Variants in TAFA1 observed in about 807,000 individuals in gnomAD.
The protein encoded by TAFA1 is chemokine-like protein TAFA-1.
TAFA1 carries 4 observed loss-of-function variants against 18.5 expected under a neutral mutation model. That is an observed-to-expected ratio of 0.22 (90% confidence interval 0.11 to 0.49). The LOEUF is 0.49. Ranked by LOEUF, TAFA1 falls within the 20% of genes least tolerant of loss-of-function variation. The pLI is 0.98. For synonymous variants in TAFA1, 56 were observed against 55.2 expected, an observed-to-expected ratio of 1.01 and a Z score of -0.06; for missense variants, 147 against 169.0, an observed-to-expected ratio of 0.87 and a Z score of 0.72.
intron 2 of TAFA1, among the ~76,000 whole-genome samples, chr3:68,382,988 G>A (rs557953543): frequency 3.9e-5 from 6 of 152,078 alleles, no homozygotes; most frequent in East Asian, 1.9e-4. Context: ...TGTGTTCCTG[G>A]TTTGGCTTTC....
At chr3:68,390,776 T>C (rs1208237519) in intron 2 of TAFA1, among the ~76,000 whole-genome samples, 2 of 152,160 alleles carry the variant, frequency 1.3e-5, no homozygotes, top group East Asian at 3.9e-4. Context: ...GACTGACTGT[T>C]AGAAGAAAAA....
intron 2 of TAFA1, among the ~76,000 whole-genome samples, chr3:68,058,037 A>G (rs2106718846): frequency 6.6e-6 from 1 of 152,320 alleles, no homozygotes; most frequent in African/African-American, 2.4e-5. Context: ...GTAGTTTGCT[A>G]CTGCAGCAAT....
At chr3:68,407,473 A>G (rs918173665) in intron 2 of TAFA1, among the ~76,000 whole-genome samples, 4 of 152,178 alleles carry the variant, frequency 2.6e-5, no homozygotes, top group African/African-American at 9.7e-5. Flanking sequence ...GAAATGAAAT[A>G]AGGCTTAGAA....
rs1044450205 is a variant in TAFA1, at chr3:68,478,024, G to C, written c.259+60604G>C. Among the ~76,000 whole-genome samples, 39 of 152,166 alleles carry C rather than the reference G, an allele frequency of 2.6e-4. 1 individual carries two copies. Among genetic ancestry groups the C allele is most frequent in the Non-Finnish European group, 8.8e-5 (6 of 68,042 alleles). ...CCTGTGCTTTGTCCAGCAGAAAAGGGGAAAGTGTTTTAAATCATGGGGTGA... is the reference window on the plus strand; with the variant it reads ...CCTGTGCTTTGTCCAGCAGAAAAGGCGAAAGTGTTTTAAATCATGGGGTGA... On this transcript the variant is annotated intron_variant, in intron 3 of 4. Coordinates refer to ENST00000478136, the MANE Select transcript of TAFA1 (RefSeq NM_213609.4).
At chr3:68,077,808 A>T (rs886466174) in intron 2 of TAFA1, among the ~76,000 whole-genome samples, 27 of 151,964 alleles carry the variant, frequency 1.8e-4, no homozygotes, top group Admixed American at 1.0e-3. Context: ...TTTTGGTTCC[A>T]TATGAACTTT....
intron 2 of TAFA1, among the ~76,000 whole-genome samples, chr3:68,250,430 C>T (rs1292590810): frequency 1.3e-5 from 2 of 152,088 alleles, no homozygotes; most frequent in Non-Finnish European, 2.9e-5. Context: ...AGTTTAGAAA[C>T]TAAACTAGGA....
At chr3:68,165,441 G>C (rs1238294711) in intron 2 of TAFA1, among the ~76,000 whole-genome samples, 1 of 152,144 alleles carries the variant, frequency 6.6e-6, no homozygotes, top group Non-Finnish European at 1.5e-5. Flanking sequence ...TAGCCACCCA[G>C]CTTTTGAATA....
intron 2 of TAFA1, among the ~76,000 whole-genome samples, chr3:68,107,676 T>A (rs908460457): frequency 1.4e-4 from 22 of 152,132 alleles, no homozygotes; most frequent in African/African-American, 5.1e-4. Flanking sequence ...TTTAGAGATA[T>A]GTCATATCTT....
intron 2 of TAFA1, among the ~76,000 whole-genome samples, chr3:68,303,684 C>G (rs947647922): frequency 1.3e-5 from 2 of 152,050 alleles, no homozygotes; most frequent in African/African-American, 4.8e-5. Context: ...CTCCTGACCT[C>G]GTGATCCGCC....
intron 2 of TAFA1, among the ~76,000 whole-genome samples, chr3:68,056,052 T>G (rs992855371): frequency 6.6e-6 from 1 of 152,158 alleles, no homozygotes; most frequent in African/African-American, 2.4e-5. Context: ...TTCCATAATC[T>G]TTCCAATGGC....
chr3:68,507,070 T>A (rs1054611707), intron 3 of TAFA1, among the ~76,000 whole-genome samples: 1 of 152,086 alleles, frequency 6.6e-6, no homozygotes, highest in African/African-American at 2.4e-5. Context: ...CAGACATTGA[T>A]AATCAATCAC....
At chr3:68,428,125 G>T (rs1273368676) in intron 3 of TAFA1, among the ~76,000 whole-genome samples, 1 of 151,898 alleles carries the variant, frequency 6.6e-6, no homozygotes, top group Non-Finnish European at 1.5e-5. Context: ...AAGGTATTCA[G>T]ATTTAAAATT....
At chr3:68,133,724 A>G (rs2065571495) in intron 2 of TAFA1, among the ~76,000 whole-genome samples, 1 of 151,920 alleles carries the variant, frequency 6.6e-6, no homozygotes, top group Non-Finnish European at 1.5e-5. Flanking sequence ...TTTTGTATCC[A>G]AACCCCAAAG....
At chr3:68,457,864 A>G (rs1210160007) in intron 3 of TAFA1, among the ~76,000 whole-genome samples, 1 of 152,174 alleles carries the variant, frequency 6.6e-6, no homozygotes, top group African/African-American at 2.4e-5. Context: ...GAGTCCGCAT[A>G]TAAATGAGAT....
intron 2 of TAFA1, among the ~76,000 whole-genome samples, chr3:68,032,781 G>A (rs1704965279): frequency 6.6e-6 from 1 of 152,016 alleles, no homozygotes; most frequent in Non-Finnish European, 1.5e-5. Flanking sequence ...ATATCATCCT[G>A]TCCAGGAAAA....
chr3:68,120,225 CTTTCTTT>C (rs2106857659), intron 2 of TAFA1, among the ~76,000 whole-genome samples: 1 of 125,180 alleles, frequency 8.0e-6, no homozygotes, highest in African/African-American at 3.2e-5. Context: ...TTCTTTCTTT[CTTTCTTT>C]CTTTCTTTCT....
chr3:68,308,502 C>A (rs2068458308), intron 2 of TAFA1, among the ~76,000 whole-genome samples: 1 of 152,042 alleles, frequency 6.6e-6, no homozygotes, highest in Non-Finnish European at 1.5e-5. Flanking sequence ...TTCAGAGGGA[C>A]AAAAGCTTCT....
chr3:68,515,878 G>T (rs139290402), intron 3 of TAFA1, among the ~76,000 whole-genome samples: 1 of 152,076 alleles, frequency 6.6e-6, no homozygotes, highest in Non-Finnish European at 1.5e-5. Flanking sequence ...CTGTGAACAC[G>T]AGCTCCTCTT....
At chr3:68,255,966 A>G (rs369550993) in intron 2 of TAFA1, among the ~76,000 whole-genome samples, 10 of 152,116 alleles carry the variant, frequency 6.6e-5, no homozygotes, top group South Asian at 2.1e-4. Context: ...TAATCAATCT[A>G]TTTACTAATA....
Sources: allele counts gnomAD v4.1 joint callset (sites outside exome capture counted in the v4.1 genomes callset), GRCh38; gene constraint gnomAD v4.1.1; transcripts MANE v1.5; gene names NCBI Gene and HGNC (gene_info 2026-07-23, HGNC 2026-07-21).